AFAP1L1: variants seen among roughly 807,000 people sequenced by gnomAD.
The protein encoded by AFAP1L1 is actin filament-associated protein 1-like 1.
In AFAP1L1, 77 loss-of-function variants were observed where a neutral mutation model predicts 99.8. The ratio of observed to expected loss-of-function variants is 0.77; its 90% CI spans 0.64 to 0.93. AFAP1L1 has a LOEUF of 0.93. Ranked by LOEUF, AFAP1L1 falls within the 40% of genes least tolerant of loss-of-function variation. The pLI, the probability that AFAP1L1 is intolerant of heterozygous loss-of-function variation, is 0.00. For synonymous variants in AFAP1L1, 373 were observed against 395.3 expected (o/e 0.94, Z 0.67); for missense variants, 893 against 996.8 (o/e 0.90, Z 1.40).
At chr5:149,293,819 C>T (rs756638320) in intron 1 of AFAP1L1, among the ~76,000 whole-genome samples, 1 of 152,184 alleles carries the variant, frequency 6.6e-6, no homozygotes, top group Non-Finnish European at 1.5e-5. Flanking sequence ...CAGCCCTATG[C>T]GGTTGGGATC....
intron 1 of AFAP1L1, among the ~76,000 whole-genome samples, chr5:149,292,600 G>A (rs1755892313): frequency 6.6e-6 from 1 of 151,994 alleles, no homozygotes; most frequent in Non-Finnish European, 1.5e-5. Context: ...CTTCATCTTG[G>A]GTTTCTGAGC....
intron 16 of AFAP1L1, among the ~76,000 whole-genome samples, chr5:149,331,915 C>G (rs1209669726): frequency 6.6e-6 from 1 of 152,094 alleles, no homozygotes; most frequent in Non-Finnish European, 1.5e-5. Flanking sequence ...CCCAGCCAAC[C>G]CAAGCAGAGA....
intron 8 of AFAP1L1, among the ~76,000 whole-genome samples, chr5:149,310,526 T>C (rs1011030230): frequency 6.6e-6 from 1 of 152,188 alleles, no homozygotes; most frequent in East Asian, 1.9e-4. Flanking sequence ...TACATCCTTA[T>C]AATGACCACC....
intron 7 of AFAP1L1, among the ~76,000 whole-genome samples, chr5:149,309,629 A>G (rs536691824): frequency 6.6e-6 from 1 of 152,336 alleles, no homozygotes; most frequent in Admixed American, 6.5e-5. Context: ...CCTGCCAGAT[A>G]GATTTTTAAC....
At chr5:149,307,256 A>C (rs1009998691) in intron 6 of AFAP1L1, 146 bp from the exon 7 acceptor site, 1 of 787,922 alleles carries the variant, frequency 1.3e-6, no homozygotes, top group Non-Finnish European at 2.0e-6. Context: ...CCAAAAAAAA[A>C]GTAGGGGCCT....
In AFAP1L1 at chr5:149,317,666, G is replaced by A. The variant is rs572085277; in HGVS notation, c.1268-63G>A. ...TTCTTTCCAGCAGACACATGGAGCCGCCTTGCGTCCCCATGCTGTCCCAGG... is the reference window on the plus strand; with the variant it reads ...TTCTTTCCAGCAGACACATGGAGCCACCTTGCGTCCCCATGCTGTCCCAGG... On this transcript the variant is annotated intron_variant, in intron 11 of 18. Coordinates refer to ENST00000296721, the MANE Select transcript of AFAP1L1 (RefSeq NM_152406.4). 1.1e-3 allele frequency: 1,793 copies of A among 1,571,876 alleles called. 2 individuals are homozygous for A. The highest frequency in any genetic ancestry group is 1.4e-3 in the Non-Finnish European group (1,670 of 1,153,314).
At chr5:149,281,618 A>G (rs148789220) in intron 1 of AFAP1L1, among the ~76,000 whole-genome samples, 81 of 152,340 alleles carry the variant, frequency 5.3e-4, no homozygotes, top group African/African-American at 1.9e-3. Flanking sequence ...AAAGCCCACC[A>G]TGACTCAGTA....
chr5:149,281,677 A>G lies in AFAP1L1; in HGVS notation c.16+9693A>G, dbSNP rs112280220. ...TACATGAAGAAACTGAGGCTTTGAA[A>G]GGCCTATTTATGCAGCCCAACTCAC... On this transcript the variant is annotated intron_variant, in intron 1 of 18. Transcript: ENST00000296721. 7.0e-4 allele frequency among the ~76,000 whole-genome samples: 106 copies of G among 152,042 alleles called. 2 individuals are homozygous for G. Among genetic ancestry groups the G allele is most frequent in the African/African-American group, 2.4e-3 (101 of 41,320 alleles).
intron 18 of AFAP1L1, among the ~76,000 whole-genome samples, chr5:149,336,979 G>A (rs768154868): frequency 3.3e-5 from 5 of 152,216 alleles, no homozygotes; most frequent in Non-Finnish European, 7.3e-5. Flanking sequence ...TAGGAGATGA[G>A]ACTGGAAAGA....
chr5:149,276,025 CAG>C (rs556561572), intron 1 of AFAP1L1, among the ~76,000 whole-genome samples: 30 of 152,350 alleles, frequency 2.0e-4, no homozygotes, highest in African/African-American at 7.2e-4. Flanking sequence ...ATATGAGACA[CAG>C]AGCTGTGGTT....
At chr5:149,315,774 C>A in intron 9 of AFAP1L1, 47 bp from the exon 10 acceptor site, 1 of 1,558,188 alleles carries the variant, frequency 6.4e-7, no homozygotes, top group Non-Finnish European at 8.8e-7. Flanking sequence ...AATTTGGGTA[C>A]TTCTGAATGT....
chr5:149,288,315 A>G (rs998869013), intron 1 of AFAP1L1, among the ~76,000 whole-genome samples: 4 of 152,228 alleles, frequency 2.6e-5, no homozygotes, highest in African/African-American at 9.6e-5. Context: ...TAGACAAATG[A>G]CAGTGCCTCT....
At position 149,340,439 on chromosome 5, in the gene AFAP1L1, G is replaced by A; in HGVS notation, c.*409G>A. On this transcript the variant is annotated 3_prime_UTR_variant, in exon 19 of 19. Transcript: ENST00000296721. ...AGGGAGGCAGTGCTGAAGCATTGGT[G>A]GTGCAGTGTAAAGAGACAAGACCTG... 3 of 182,438 alleles carry A rather than the reference G, an allele frequency of 1.6e-5. No homozygotes were observed. The East Asian group carries it at 3.8e-4, about 23-fold the overall frequency. 11.3% of individuals were successfully genotyped at this position (182,438 alleles called of 1,614,324 possible). A position where few individuals can be genotyped will look rare whatever the true frequency, so the allele number is the denominator to read the frequency against.
At chr5:149,334,345 G>A (rs1260637239) in intron 17 of AFAP1L1, among the ~76,000 whole-genome samples, 3 of 152,176 alleles carry the variant, frequency 2.0e-5, no homozygotes, top group African/African-American at 7.2e-5. Flanking sequence ...TGGTGGAGGA[G>A]CTAGCACTAG....
intron 1 of AFAP1L1, among the ~76,000 whole-genome samples, chr5:149,274,438 A>G (rs1160422390): frequency 6.6e-6 from 1 of 152,232 alleles, no homozygotes; most frequent in African/African-American, 2.4e-5. Context: ...AGGCCATCTC[A>G]AGTAAAGTGG....
chr5:149,290,779 G>C (rs1029216376), intron 1 of AFAP1L1, among the ~76,000 whole-genome samples: 2 of 152,026 alleles, frequency 1.3e-5, no homozygotes, highest in Non-Finnish European at 2.9e-5. Flanking sequence ...TATAAGGCCA[G>C]ACATGGTTTT....
At chr5:149,313,124 TTAAA>T (rs1756687908) in intron 9 of AFAP1L1, among the ~76,000 whole-genome samples, 2 of 137,278 alleles carry the variant, frequency 1.5e-5, no homozygotes, top group African/African-American at 3.3e-5. Context: ...AAAGCTTCAT[TTAAA>T]AAAAAAAAAA....
intron 1 of AFAP1L1, among the ~76,000 whole-genome samples, chr5:149,297,523 A>G (rs1393107059): frequency 2.0e-5 from 3 of 152,218 alleles, no homozygotes; most frequent in African/African-American, 7.2e-5. Flanking sequence ...CCCCTCCCTC[A>G]GTGTCTAGCA....
At chr5:149,328,133 C>CA (rs1757146800) in intron 15 of AFAP1L1, among the ~76,000 whole-genome samples, 1 of 152,168 alleles carries the variant, frequency 6.6e-6, no homozygotes, top group African/African-American at 2.4e-5. Flanking sequence ...GAAGGCCCTC[C>CA]ATGCTGTATT....
Sources: gnomAD v4.1 joint callset for allele counts (sites outside exome capture counted in the v4.1 genomes callset) on GRCh38, gnomAD v4.1.1 for gene constraint, MANE v1.5 for transcripts, NCBI Gene and HGNC (gene_info 2026-07-23, HGNC 2026-07-21) for gene names.